Variants in LRP1B observed in about 807,000 individuals in gnomAD.
LRP1B encodes LDL receptor related protein 1B.
In LRP1B, 217 loss-of-function variants were observed where a neutral mutation model predicts 556.6. The ratio of observed to expected loss-of-function variants is 0.39; its 90% CI spans 0.35 to 0.44. The LOEUF (loss-of-function observed/expected upper bound fraction) is 0.44, where lower values mean the gene tolerates loss of function less well. Among genes scored for constraint, LRP1B ranks in the 20% least tolerant of loss-of-function variants. LRP1B has a pLI of 1.00. For missense variants in LRP1B, 5,053 were observed against 5,620.8 expected (o/e 0.90, Z 3.23); for synonymous variants, 2,047 against 1,865.8 (o/e 1.10, Z -2.50).
chr2:140,377,370 C>T (rs185604140), intron 68 of LRP1B, among the ~76,000 whole-genome samples: 1 of 152,116 alleles, frequency 6.6e-6, no homozygotes, highest in East Asian at 1.9e-4. Flanking sequence ...CCACCATGCC[C>T]GGCTAGAGCT....
In LRP1B at chr2:141,044,339, C is replaced by T. The variant is rs549633301; in HGVS notation, c.1789+4647G>A. Among the ~76,000 whole-genome samples the T allele has an allele frequency of 6.8e-3, 1,031 of 151,846 alleles. 18 individuals are homozygous for T. The highest frequency in any genetic ancestry group is 0.024 in the African/African-American group (986 of 41,420). On this transcript the variant is annotated intron_variant, in intron 11 of 90. Coordinates refer to ENST00000389484, the MANE Select transcript of LRP1B (RefSeq NM_018557.3). ...ACCCTAGAAAAAAACCTAGGCATTA[C>T]CATTCAGGACATAGGCATGGGCAAG...
chr2:141,044,844 T>C (rs1698818945), intron 11 of LRP1B, among the ~76,000 whole-genome samples: 1 of 151,052 alleles, frequency 6.6e-6, no homozygotes, highest in African/African-American at 2.4e-5. Flanking sequence ...AGTTCAACCA[T>C]TGTGGAAGTC....
chr2:140,325,027 A>G (rs1196831566), intron 80 of LRP1B, among the ~76,000 whole-genome samples: 9 of 152,132 alleles, frequency 5.9e-5, no homozygotes, highest in Non-Finnish European at 1.2e-4. Context: ...AATATATAAC[A>G]TGCAAATATA....
At chr2:141,119,468 A>T (rs948203937) in intron 7 of LRP1B, among the ~76,000 whole-genome samples, 2 of 151,758 alleles carry the variant, frequency 1.3e-5, no homozygotes, top group African/African-American at 4.8e-5. Flanking sequence ...AAAGTGAGAG[A>T]GGGAGGAATA....
intron 2 of LRP1B, among the ~76,000 whole-genome samples, chr2:141,610,048 G>A (rs1688052117): frequency 6.6e-6 from 1 of 152,112 alleles, no homozygotes. Context: ...CTGATATGAA[G>A]GTATTTGTAA....
intron 10 of LRP1B, among the ~76,000 whole-genome samples, chr2:141,049,909 A>G (rs1574021339): frequency 6.6e-6 from 1 of 152,100 alleles, no homozygotes; most frequent in East Asian, 1.9e-4. Flanking sequence ...CAAGCAAAAA[A>G]CTGTCTCCTG....
At chr2:141,354,328 A>G (rs1688548080) in intron 3 of LRP1B, among the ~76,000 whole-genome samples, 1 of 152,056 alleles carries the variant, frequency 6.6e-6, no homozygotes, top group Non-Finnish European at 1.5e-5. Context: ...GAAGAAGGTC[A>G]GCAGAACCCA....
intron 53 of LRP1B, among the ~76,000 whole-genome samples, chr2:140,503,973 A>G (rs1393913656): frequency 1.3e-5 from 2 of 152,154 alleles, no homozygotes; most frequent in Non-Finnish European, 2.9e-5. Flanking sequence ...AAATAGCCTT[A>G]GCTACCCTAG....
chr2:141,151,376 C>G (rs1176407155), intron 7 of LRP1B, among the ~76,000 whole-genome samples: 2 of 152,092 alleles, frequency 1.3e-5, no homozygotes, highest in Admixed American at 6.6e-5. Context: ...ATATCTAATA[C>G]CCAAGAAAGC....
At chr2:141,016,924 C>A (rs1049641658) in intron 12 of LRP1B, among the ~76,000 whole-genome samples, 1 of 152,100 alleles carries the variant, frequency 6.6e-6, no homozygotes, top group African/African-American at 2.4e-5. Flanking sequence ...GTCACCATGA[C>A]GAAAAATCCT....
chr2:140,319,384 T>C (rs1679963898), intron 82 of LRP1B, among the ~76,000 whole-genome samples: 1 of 152,154 alleles, frequency 6.6e-6, no homozygotes, highest in South Asian at 2.1e-4. Context: ...TCTAAGTAGA[T>C]ACAGTACAGA....
rs138899796 is a variant in LRP1B, at chr2:141,526,441, T to C, written c.206-45908A>G. Among the ~76,000 whole-genome samples the C allele has an allele frequency of 2.6e-3, 398 of 152,196 alleles. 2 individuals carry two copies. The highest frequency in any genetic ancestry group is 9.1e-3 in the African/African-American group (380 of 41,562). ...ATTCTTGACCGATAAATGTTGATTGTCAGTGAAGCAACATTAATATTAATT... is the reference window on the plus strand; with the variant it reads ...ATTCTTGACCGATAAATGTTGATTGCCAGTGAAGCAACATTAATATTAATT... On this transcript the variant is annotated intron_variant, in intron 2 of 90. Coordinates refer to ENST00000389484, the MANE Select transcript of LRP1B (RefSeq NM_018557.3).
intron 20 of LRP1B, among the ~76,000 whole-genome samples, chr2:140,949,442 G>A (rs17519770): frequency 0.028 from 4,259 of 152,194 alleles, 62 homozygotes; most frequent in African/African-American, 0.038. Context: ...TATGTTGAGA[G>A]CCATGGTCAT....
intron 2 of LRP1B, among the ~76,000 whole-genome samples, chr2:141,601,213 T>TCTATCTAC (rs1248447646): frequency 6.6e-6 from 1 of 151,202 alleles, no homozygotes; most frequent in African/African-American, 2.4e-5. Context: ...TATCTATCTA[T>TCTATCTAC]CTATCTATCT....
chr2:141,080,782 C>T (rs1699904170), intron 7 of LRP1B, among the ~76,000 whole-genome samples: 1 of 152,182 alleles, frequency 6.6e-6, no homozygotes, highest in African/African-American at 2.4e-5. Flanking sequence ...TACCTATGGT[C>T]AACTGCAGTC....
intron 18 of LRP1B, among the ~76,000 whole-genome samples, chr2:140,957,371 T>A (rs910435507): frequency 6.6e-6 from 1 of 151,390 alleles, no homozygotes; most frequent in African/African-American, 2.4e-5. Flanking sequence ...AAGGTTGCAA[T>A]AAGGTATAAG....
At chr2:141,762,257 A>G (rs1230498238) in intron 2 of LRP1B, among the ~76,000 whole-genome samples, 1 of 152,026 alleles carries the variant, frequency 6.6e-6, no homozygotes, top group Non-Finnish European at 1.5e-5. Context: ...ATAAGCAAAG[A>G]CCATAGGGAG....
intron 72 of LRP1B, among the ~76,000 whole-genome samples, chr2:140,363,599 A>T (rs529816805): frequency 6.6e-6 from 1 of 151,728 alleles, no homozygotes; most frequent in African/African-American, 2.4e-5. Flanking sequence ...TATTTCTAAG[A>T]TTATGTAAAG....
intron 87 of LRP1B, among the ~76,000 whole-genome samples, chr2:140,246,472 A>C (rs527462159): frequency 1.3e-5 from 2 of 151,518 alleles, no homozygotes; most frequent in South Asian, 4.1e-4. Context: ...CACAACGATG[A>C]TATAGACCCA....
Sources: gnomAD v4.1 joint callset for allele counts (sites outside exome capture counted in the v4.1 genomes callset) on GRCh38, gnomAD v4.1.1 for gene constraint, MANE v1.5 for transcripts, NCBI Gene and HGNC (gene_info 2026-07-23, HGNC 2026-07-21) for gene names.